Variants in DISC1 observed in about 807,000 individuals in gnomAD.
The protein encoded by DISC1 is DISC1 scaffold protein.
A neutral mutation model predicts 84.5 loss-of-function variants in DISC1; 57 were observed. That is an observed-to-expected ratio of 0.67 (90% CI 0.55 to 0.84). The LOEUF is 0.84. DISC1 is among the 40% of genes least tolerant of loss of function. The pLI, the probability that DISC1 is intolerant of heterozygous loss-of-function variation, is 0.00. For synonymous variants in DISC1, 411 were observed against 415.2 expected (o/e 0.99, Z 0.12); for missense variants, 1,000 against 1,057.8 (o/e 0.95, Z 0.76).
At chr1:231,672,942 C>A (rs919282781) in intron 1 of DISC1, among the ~76,000 whole-genome samples, 5 of 152,134 alleles carry the variant, frequency 3.3e-5, no homozygotes, top group Admixed American at 1.3e-4. Flanking sequence ...ACGTGACCCC[C>A]AGATCACACT....
At position 231,814,770 on chromosome 1, in the gene DISC1, C is replaced by A. The variant is rs867409838; in HGVS notation, c.1793-3559C>A. 2.6e-5 allele frequency among the ~76,000 whole-genome samples: 4 copies of A among 152,052 alleles called. No individual in the cohort carries two copies. The East Asian group carries it at 5.8e-4, about 22-fold the overall frequency. ...TCAACACAAGATTTTCAGGCAACAG[C>A]CAGTACGCAGATGGTCCTAAAATAG... On this transcript the variant is annotated intron_variant, in intron 8 of 12. Transcript: ENST00000439617.
intron 3 of DISC1, among the ~76,000 whole-genome samples, chr1:231,748,344 C>T (rs1296935040): frequency 6.6e-6 from 1 of 152,154 alleles, no homozygotes; most frequent in African/African-American, 2.4e-5. Flanking sequence ...TTCAGCATTT[C>T]CCCATTCAGT....
intron 9 of DISC1, among the ~76,000 whole-genome samples, chr1:231,911,446 G>T (rs956376507): frequency 6.6e-6 from 1 of 152,118 alleles, no homozygotes; most frequent in African/African-American, 2.4e-5. Flanking sequence ...GCTTAGTTTG[G>T]CTGGATATGA....
chr1:231,819,241 T>C, intron 9 of DISC1: 1 of 734,612 alleles, frequency 1.4e-6, no homozygotes, highest in Non-Finnish European at 1.7e-6. Flanking sequence ...AATGGCTATA[T>C]TTTACAAAGT....
At chr1:231,896,961 G>T (rs1032220578) in intron 9 of DISC1, among the ~76,000 whole-genome samples, 2 of 152,162 alleles carry the variant, frequency 1.3e-5, no homozygotes, top group Non-Finnish European at 2.9e-5. Flanking sequence ...AAAGGTAATT[G>T]AGCAATGGTT....
At chr1:232,022,865 AC>A (rs1338313477) in intron 11 of DISC1, among the ~76,000 whole-genome samples, 1 of 152,168 alleles carries the variant, frequency 6.6e-6, no homozygotes, top group Non-Finnish European at 1.5e-5. Flanking sequence ...TGTCAGACCA[AC>A]AAGTAGAGGT....
At chr1:231,759,537 A>AAC (rs2075441639) in intron 4 of DISC1, among the ~76,000 whole-genome samples, 1 of 149,360 alleles carries the variant, frequency 6.7e-6, no homozygotes, top group African/African-American at 2.5e-5. Context: ...AAAAAAAAAA[A>AAC]AAAAAAAAAA....
chr1:231,943,710 AC>A (rs1172077732), intron 9 of DISC1: 2 of 150,642 alleles, frequency 1.3e-5, no homozygotes, highest in African/African-American at 4.9e-5. Flanking sequence ...GAAGAACATG[AC>A]TTGACAATAT....
At chr1:231,769,045 C>T (rs1464532987) in intron 5 of DISC1, among the ~76,000 whole-genome samples, 1 of 152,008 alleles carries the variant, frequency 6.6e-6, no homozygotes, top group East Asian at 1.9e-4. Context: ...GGGAGGAAGT[C>T]AGAGATAAAG....
At chr1:231,857,508 A>G (rs559709412) in intron 9 of DISC1, among the ~76,000 whole-genome samples, 1 of 152,288 alleles carries the variant, frequency 6.6e-6, no homozygotes, top group South Asian at 2.1e-4. Flanking sequence ...TGCCATTTAA[A>G]CACCATGGGC....
chr1:231,879,870 A>C (rs2086168536), intron 9 of DISC1, among the ~76,000 whole-genome samples: 1 of 152,228 alleles, frequency 6.6e-6, no homozygotes, highest in African/African-American at 2.4e-5. Flanking sequence ...AGCTATGTCC[A>C]AGTGGGAATC....
At chr1:231,705,542 AAGG>A (rs2066985566) in intron 3 of DISC1, among the ~76,000 whole-genome samples, 2 of 151,936 alleles carry the variant, frequency 1.3e-5, no homozygotes, top group Non-Finnish European at 2.9e-5. Context: ...TTAGGCTTGA[AAGG>A]AGACTTGCGG....
At chr1:231,848,364 T>C (rs1199542336) in intron 9 of DISC1, among the ~76,000 whole-genome samples, 1 of 152,190 alleles carries the variant, frequency 6.6e-6, no homozygotes. Flanking sequence ...AAACAGTGAA[T>C]AAATGAGCGA....
chr1:231,688,388 ACT>A (rs2064567374), intron 1 of DISC1, among the ~76,000 whole-genome samples: 1 of 152,202 alleles, frequency 6.6e-6, no homozygotes, highest in Non-Finnish European at 1.5e-5. Context: ...AAACTGACTA[ACT>A]CACAAAATGC....
At chr1:231,813,264 T>C (rs988365087) in intron 8 of DISC1, 1 of 152,270 alleles carries the variant, frequency 6.6e-6, no homozygotes, top group Non-Finnish European at 1.5e-5. Flanking sequence ...TTCTGCCTGA[T>C]GTCTCTGGAG....
chr1:231,718,188 AT>A (rs2069038746), intron 3 of DISC1, among the ~76,000 whole-genome samples: 1 of 151,906 alleles, frequency 6.6e-6, no homozygotes, highest in Non-Finnish European at 1.5e-5. Context: ...TTCTATTTTC[AT>A]CCCCCTCCAA....
At chr1:231,690,084 A>G (rs1030688298) in intron 1 of DISC1, among the ~76,000 whole-genome samples, 1 of 152,176 alleles carries the variant, frequency 6.6e-6, no homozygotes, top group Admixed American at 6.5e-5. Context: ...AGGTAAACAT[A>G]TATTTCCAGG....
chr1:231,865,404 A>T (rs1478600542), intron 9 of DISC1, among the ~76,000 whole-genome samples: 2 of 152,234 alleles, frequency 1.3e-5, no homozygotes, highest in Non-Finnish European at 2.9e-5. Context: ...CCAGAAAATC[A>T]AAAGGAGGTT....
chr1:231,898,252 G>A (rs1291616977), intron 9 of DISC1, among the ~76,000 whole-genome samples: 2 of 152,102 alleles, frequency 1.3e-5, no homozygotes, highest in African/African-American at 4.8e-5. Flanking sequence ...AAATGTCTGT[G>A]TACTTGGGCC....
Sources: allele counts gnomAD v4.1 joint callset (sites outside exome capture counted in the v4.1 genomes callset), GRCh38; gene constraint gnomAD v4.1.1; transcripts MANE v1.5; gene names NCBI Gene and HGNC (gene_info 2026-07-23, HGNC 2026-07-21).